FCHSD2: variants seen among roughly 807,000 people sequenced by gnomAD.
FCHSD2 encodes F-BAR and double SH3 domains protein 2.
In FCHSD2, 38 loss-of-function variants were observed where a neutral mutation model predicts 108.1. That is an observed-to-expected ratio of 0.35 (90% CI 0.27 to 0.46). FCHSD2 has a LOEUF of 0.46. Ranked by LOEUF, FCHSD2 falls within the 20% of genes least tolerant of loss-of-function variation. FCHSD2 has a pLI of 1.00. For missense variants in FCHSD2, 751 were observed against 897.8 expected, an observed-to-expected ratio of 0.84 and a Z score of 2.09; for synonymous variants, 279 against 314.7, an observed-to-expected ratio of 0.89 and a Z score of 1.20.
intron 2 of FCHSD2, among the ~76,000 whole-genome samples, chr11:73,126,339 T>TAAAAAAAAAAAAAAAAAAA (rs61586562): frequency 2.5e-4 from 7 of 27,652 alleles, no homozygotes; most frequent in Non-Finnish European, 3.6e-4. Context: ...GATTCCATCT[T>TAAAAAAAAAAAAAAAAAAA]AAAAAAAAAA....
chr11:72,937,717 T>C (rs1017565482), intron 8 of FCHSD2, among the ~76,000 whole-genome samples: 6 of 152,210 alleles, frequency 3.9e-5, no homozygotes, highest in African/African-American at 1.2e-4. Flanking sequence ...TATGTGCTTT[T>C]GAATACATAA....
chr11:72,942,899 T>G (rs1355697509), intron 8 of FCHSD2, among the ~76,000 whole-genome samples: 2 of 152,146 alleles, frequency 1.3e-5, no homozygotes, highest in Non-Finnish European at 2.9e-5. Context: ...CACCTCAGGC[T>G]TCCAAGTAGT....
At chr11:73,115,650 T>G (rs1368308086) in intron 2 of FCHSD2, among the ~76,000 whole-genome samples, 1 of 152,212 alleles carries the variant, frequency 6.6e-6, no homozygotes, top group Non-Finnish European at 1.5e-5. Context: ...GATATTTATT[T>G]TAAGAAATTG....
At chr11:72,882,027 C>T (rs947950383) in intron 12 of FCHSD2, among the ~76,000 whole-genome samples, 1 of 152,166 alleles carries the variant, frequency 6.6e-6, no homozygotes. Flanking sequence ...CGCCTGTAGT[C>T]CCGGCTAGTT....
intron 2 of FCHSD2, among the ~76,000 whole-genome samples, chr11:73,138,557 C>A (rs1201313458): frequency 1.3e-5 from 2 of 151,766 alleles, no homozygotes; most frequent in Admixed American, 1.3e-4. Flanking sequence ...GTTAAAAAAA[C>A]CTTACATTTT....
intron 3 of FCHSD2, among the ~76,000 whole-genome samples, chr11:73,077,904 A>T (rs1054719929): frequency 2.0e-5 from 3 of 152,332 alleles, no homozygotes; most frequent in African/African-American, 7.2e-5. Flanking sequence ...TGTATCAACT[A>T]CATAACAATA....
chr11:72,921,950 C>T lies in FCHSD2; in HGVS notation c.706G>A (p.Ala236Thr). The T allele has an allele frequency of 6.3e-7, 1 of 1,582,462 alleles. No individual in the cohort carries two copies. Among genetic ancestry groups the T allele is most frequent in the Non-Finnish European group, 8.6e-7 (1 of 1,162,500 alleles). ...TGATCATACACATTTCCATCAAGAG[C>T]CTGTAATAGAGGAGTAAATAAAAGA... ...YQTDLVNIMKALDGNVYDHLK... is the reference protein window; with the variant it reads ...YQTDLVNIMKTLDGNVYDHLK... Residue 236 changes from alanine to threonine, a missense_variant and splice_region_variant, in exon 9 of 20, where the codon GCT becomes ACT. Physicochemically the swap from Ala to Thr is moderately conservative, Grantham distance 58. Transcript: ENST00000409418.
intron 14 of FCHSD2, 32 bp downstream of exon 14, chr11:72,849,723 A>T: frequency 6.5e-7 from 1 of 1,547,254 alleles, no homozygotes; most frequent in South Asian, 1.1e-5. Context: ...GTTAATCAGA[A>T]TTTAATAACA....
intron 8 of FCHSD2, among the ~76,000 whole-genome samples, chr11:72,970,198 T>C (rs1031984255): frequency 2.0e-5 from 3 of 152,142 alleles, no homozygotes; most frequent in African/African-American, 7.2e-5. Flanking sequence ...AGATAATACA[T>C]ATACCACTTC....
chr11:73,068,923 G>A (rs904773375), intron 3 of FCHSD2, among the ~76,000 whole-genome samples: 3 of 151,654 alleles, frequency 2.0e-5, no homozygotes, highest in Admixed American at 6.6e-5. Flanking sequence ...GCTGAGGTAG[G>A]AGGATGGCTT....
At chr11:72,847,561 A>T (rs1194947163) in intron 14 of FCHSD2, among the ~76,000 whole-genome samples, 1 of 152,184 alleles carries the variant, frequency 6.6e-6, no homozygotes, top group Non-Finnish European at 1.5e-5. Flanking sequence ...AGTGCCATAC[A>T]TTATAAAGCA....
intron 8 of FCHSD2, chr11:72,940,838 G>C: frequency 2.2e-6 from 2 of 908,242 alleles, no homozygotes; most frequent in Non-Finnish European, 3.6e-6. Flanking sequence ...GGGGCTCTTA[G>C]AGTCCTGAAT....
intron 9 of FCHSD2, among the ~76,000 whole-genome samples, chr11:72,909,341 A>C (rs550038627): frequency 6.6e-6 from 1 of 151,934 alleles, no homozygotes; most frequent in African/African-American, 2.4e-5. Flanking sequence ...TCAATGCTCA[A>C]TGTTGCCCAG....
At chr11:72,934,462 C>T (rs1156732497) in intron 8 of FCHSD2, among the ~76,000 whole-genome samples, 1 of 151,774 alleles carries the variant, frequency 6.6e-6, no homozygotes, top group Non-Finnish European at 1.5e-5. Context: ...TCCCGAGTAG[C>T]TGGGATTACA....
chr11:72,932,407 T>A (rs1326273307), intron 8 of FCHSD2, among the ~76,000 whole-genome samples: 1 of 152,180 alleles, frequency 6.6e-6, no homozygotes, highest in Admixed American at 6.6e-5. Context: ...AAAAGGCTTT[T>A]AAAAAAATCA....
intron 12 of FCHSD2, among the ~76,000 whole-genome samples, chr11:72,873,131 C>T (rs901503494): frequency 1.3e-4 from 19 of 151,856 alleles, no homozygotes; most frequent in Admixed American, 4.6e-4. Flanking sequence ...AGTTTGAGAC[C>T]AGCCTGGCCA....
At chr11:72,855,658 C>G (rs1861410055) in intron 13 of FCHSD2, among the ~76,000 whole-genome samples, 1 of 152,054 alleles carries the variant, frequency 6.6e-6, no homozygotes, top group African/African-American at 2.4e-5. Flanking sequence ...ATTTTTTAAC[C>G]CAGTTTCAAG....
intron 2 of FCHSD2, among the ~76,000 whole-genome samples, chr11:73,094,348 T>C (rs1168326400): frequency 6.6e-6 from 1 of 152,198 alleles, no homozygotes; most frequent in Admixed American, 6.5e-5. Flanking sequence ...TACAACCACT[T>C]GGGGAAAAGT....
At chr11:73,068,828 AAAAAG>A (rs1859361690) in intron 3 of FCHSD2, among the ~76,000 whole-genome samples, 2 of 149,374 alleles carry the variant, frequency 1.3e-5, no homozygotes, top group African/African-American at 2.5e-5. Flanking sequence ...AAAAAAAAAA[AAAAAG>A]AAAAAGAAAA....
Sources: allele counts gnomAD v4.1 joint callset (sites outside exome capture counted in the v4.1 genomes callset), GRCh38; gene constraint gnomAD v4.1.1; transcripts MANE v1.5; gene names NCBI Gene and HGNC (gene_info 2026-07-23, HGNC 2026-07-21).